Variants in HAUS8 observed in about 807,000 individuals in gnomAD.
HAUS8 encodes the protein HAUS augmin-like complex subunit 8.
Under a neutral mutation model 42.9 loss-of-function variants are expected in HAUS8, and 38 were observed. That is an observed-to-expected ratio of 0.89 (90% confidence interval 0.68 to 1.16). The LOEUF (loss-of-function observed/expected upper bound fraction) is 1.16. Ranked by LOEUF, HAUS8 falls within the 50% of genes most tolerant of loss-of-function variation. The pLI is 0.00. For missense variants in HAUS8, 494 were observed against 511.6 expected (o/e 0.97, Z 0.33); for synonymous variants, 199 against 205.8 (o/e 0.97, Z 0.28).
intron 2 of HAUS8, 52 bp downstream of exon 2, chr19:17,073,222 C>T (rs539138513): frequency 6.6e-6 from 10 of 1,507,198 alleles, no homozygotes; most frequent in Middle Eastern, 1.7e-4. Flanking sequence ...TCCAAAAGCA[C>T]GTAATGAAAG....
In HAUS8 at chr19:17,073,346, A is replaced by G; in HGVS notation, c.30-11T>C. 1 of 1,611,472 alleles carries G rather than the reference A, an allele frequency of 6.2e-7. No individual in the cohort carries two copies. The highest frequency in any genetic ancestry group is 8.5e-7 in the Non-Finnish European group (1 of 1,177,760). On this transcript the variant is annotated splice_polypyrimidine_tract_variant and intron_variant, in intron 1 of 10. Transcript: ENST00000253669. ...CCGGTTGCAGGCTTCCTGCAAGAGA[A>G]GAGAGAGAGGTCTTGTTCACCTCAC...
rs371548079 is a variant in HAUS8 at position 17,059,610 on chromosome 19, T to C, written c.367A>G (p.Ile123Val). 3 of 1,613,914 alleles carry C rather than the reference T, an allele frequency of 1.9e-6. No homozygotes were observed. The highest frequency in any genetic ancestry group is 2.5e-6 in the Non-Finnish European group (3 of 1,179,952). ...GATGTTGACTCAGGTTTCTTTGATA[T>C]TGTTTTTGCTAACTGTGGCGTCTTT... ...VKKTPQLAKT[I>V]SKKPESTSFS... Residue 123 changes from isoleucine (I) to valine (V), a missense_variant, in exon 6 of 11, where the codon ATA (isoleucine) becomes GTA (valine). Coordinates refer to ENST00000253669, the MANE Select transcript of HAUS8 (RefSeq NM_033417.2).
At chr19:17,051,800 C>CT (rs1034085828) in intron 10 of HAUS8, 4 of 151,488 alleles carry the variant, frequency 2.6e-5, no homozygotes, top group African/African-American at 9.7e-5. Flanking sequence ...TCCTGAGTAG[C>CT]TGAGACCACA....
At chr19:17,069,538 G>A (rs2057408619) in intron 2 of HAUS8, among the ~76,000 whole-genome samples, 1 of 150,404 alleles carries the variant, frequency 6.6e-6, no homozygotes, top group African/African-American at 2.5e-5. Context: ...ACTCAGTTTG[G>A]GACCCCCTGC....
chr19:17,065,278 G>C (rs1486106506), intron 3 of HAUS8, among the ~76,000 whole-genome samples: 1 of 152,128 alleles, frequency 6.6e-6, no homozygotes, highest in African/African-American at 2.4e-5. Context: ...ATTATATAGA[G>C]ATGTTTTCAT....
intron 9 of HAUS8, among the ~76,000 whole-genome samples, chr19:17,055,634 G>A (rs950893809): frequency 1.3e-5 from 2 of 152,122 alleles, no homozygotes; most frequent in African/African-American, 2.4e-5. Flanking sequence ...AATGCCTTTC[G>A]GCAGGACAGA....
chr19:17,056,792 T>A (rs1323639301), intron 8 of HAUS8, among the ~76,000 whole-genome samples: 4 of 151,966 alleles, frequency 2.6e-5, no homozygotes, highest in African/African-American at 9.7e-5. Context: ...GGTTTCACCA[T>A]GTTGGCCAGG....
intron 3 of HAUS8, among the ~76,000 whole-genome samples, chr19:17,066,139 A>T (rs1209382640): frequency 6.6e-6 from 1 of 151,846 alleles, no homozygotes; most frequent in Non-Finnish European, 1.5e-5. Flanking sequence ...TTTTTTGTAG[A>T]GGTAGGGTCT....
intron 1 of HAUS8, chr19:17,075,038 G>A (rs2057459688): frequency 8.3e-6 from 3 of 361,404 alleles, no homozygotes; most frequent in East Asian, 1.0e-4. Context: ...CGACATCACA[G>A]TAAAGACCCA....
At chr19:17,075,304 C>A in intron 1 of HAUS8, 90 bp downstream of exon 1, 1 of 1,456,180 alleles carries the variant, frequency 6.9e-7, no homozygotes, top group East Asian at 2.3e-5. Flanking sequence ...CCCGAACTCA[C>A]CCCGAGGGTC....
At chr19:17,067,098 G>A (rs560003728) in intron 3 of HAUS8, among the ~76,000 whole-genome samples, 2 of 152,042 alleles carry the variant, frequency 1.3e-5, no homozygotes, top group African/African-American at 2.4e-5. Context: ...CCAGCTACTC[G>A]GGAGGCTGAG....
At chr19:17,062,461 C>A (rs962065966) in intron 4 of HAUS8, among the ~76,000 whole-genome samples, 4 of 152,130 alleles carry the variant, frequency 2.6e-5, no homozygotes, top group African/African-American at 7.2e-5. Flanking sequence ...CAAAGCAGTA[C>A]CATGATGGCA....
chr19:17,050,630 T>A (rs551242850), intron 10 of HAUS8, among the ~76,000 whole-genome samples: 1 of 152,248 alleles, frequency 6.6e-6, no homozygotes, highest in Non-Finnish European at 1.5e-5. Flanking sequence ...GCGCTGTGGC[T>A]CACACCTGTA....
intron 3 of HAUS8, among the ~76,000 whole-genome samples, chr19:17,068,768 A>G (rs1288925183): frequency 6.6e-6 from 1 of 152,090 alleles, no homozygotes; most frequent in Non-Finnish European, 1.5e-5. Context: ...TGCCTCAAAA[A>G]CAAAAAAAAA....
rs561849640 is a variant in HAUS8 at position 17,069,097 on chromosome 19, A to G, written c.92-11T>C. 1.8e-5 allele frequency: 29 copies of G among 1,611,620 alleles called. No homozygotes were observed. The East Asian group carries it at 5.8e-4, about 32-fold the overall frequency. On this transcript the variant is annotated splice_polypyrimidine_tract_variant and intron_variant, in intron 2 of 10. Transcript: ENST00000253669. ...CAATCACTCTTCCACCTGTGGGGAC[A>G]CACTGTTGGTGCACAACAAAACTAC...
rs1490689702 is a variant in HAUS8, at chr19:17,060,104, A to T, written c.230-12T>A. 2 of 1,585,092 alleles carry T rather than the reference A, an allele frequency of 1.3e-6. No homozygotes were observed. Among genetic ancestry groups the T allele is most frequent in the South Asian group, 2.2e-5 (2 of 90,274 alleles). On this transcript the variant is annotated splice_polypyrimidine_tract_variant and intron_variant, in intron 4 of 10. Transcript: ENST00000253669. Reference sequence around the variant, plus strand: ...CCCACTGCTATCTGCTGTTAAGAAAAGAATCCCCGAAAGTCAGCACAGTCA... The same window carrying T: ...CCCACTGCTATCTGCTGTTAAGAAATGAATCCCCGAAAGTCAGCACAGTCA...
chr19:17,075,456 G>C, upstream of HAUS8: 1 of 1,612,856 alleles, frequency 6.2e-7, no homozygotes. Context: ...CCGACCCGCC[G>C]GCTTTTCAAA....
At chr19:17,064,742 A>G (rs916796749) in intron 3 of HAUS8, among the ~76,000 whole-genome samples, 1 of 152,222 alleles carries the variant, frequency 6.6e-6, no homozygotes, top group African/African-American at 2.4e-5. Flanking sequence ...GTAAAACCTA[A>G]ACTACAAAAC....
intron 6 of HAUS8, 118 bp from the exon 7 acceptor site, chr19:17,058,994 G>GT: frequency 1.3e-6 from 1 of 787,950 alleles, no homozygotes; most frequent in Non-Finnish European, 2.0e-6. Flanking sequence ...TTGATATTCG[G>GT]TAGTTCTCTA....
Sources: gnomAD v4.1 joint callset for allele counts (sites outside exome capture counted in the v4.1 genomes callset) on GRCh38, gnomAD v4.1.1 for gene constraint, MANE v1.5 for transcripts, NCBI Gene and HGNC (gene_info 2026-07-23, HGNC 2026-07-21) for gene names.